UBE2G1: variants seen among roughly 807,000 people sequenced by gnomAD.
The protein encoded by UBE2G1 is ubiquitin-conjugating enzyme E2 G1.
In UBE2G1, 5 loss-of-function variants were observed where a neutral mutation model predicts 22.7. The observed-to-expected ratio is 0.22, with a 90% confidence interval of 0.12 to 0.46. UBE2G1 has a LOEUF of 0.46. Ranked by LOEUF, UBE2G1 falls within the 20% of genes least tolerant of loss-of-function variation. UBE2G1 has a pLI of 0.99. For synonymous variants in UBE2G1, 74 were observed against 67.5 expected, an observed-to-expected ratio of 1.10 and a Z score of -0.47; for missense variants, 88 against 203.9, an observed-to-expected ratio of 0.43 and a Z score of 3.46.
chr17:4,310,572 C>G (rs1969298384), intron 1 of UBE2G1, among the ~76,000 whole-genome samples: 1 of 152,122 alleles, frequency 6.6e-6, no homozygotes, highest in South Asian at 2.1e-4. Context: ...AACAGAATGT[C>G]AAAAGCTGGA....
intron 1 of UBE2G1, among the ~76,000 whole-genome samples, chr17:4,311,373 T>C (rs977929773): frequency 6.6e-6 from 1 of 152,254 alleles, no homozygotes; most frequent in Non-Finnish European, 1.5e-5. Flanking sequence ...ATGTCTGTAG[T>C]AGCATTTGCT....
intron 5 of UBE2G1, among the ~76,000 whole-genome samples, chr17:4,278,967 A>G (rs1968851943): frequency 6.6e-6 from 1 of 152,166 alleles, no homozygotes. Context: ...TAAACAAGCC[A>G]ACCATTGAAA....
intron 1 of UBE2G1, among the ~76,000 whole-genome samples, chr17:4,352,539 G>GACC (rs1969856511): frequency 2.0e-5 from 3 of 152,218 alleles, no homozygotes; most frequent in African/African-American, 4.8e-5. Flanking sequence ...TAGGGCAGAG[G>GACC]ACCAGACAGG....
chr17:4,360,379 C>CA (rs982322480), intron 1 of UBE2G1, among the ~76,000 whole-genome samples: 2 of 152,058 alleles, frequency 1.3e-5, no homozygotes, highest in African/African-American at 4.8e-5. Flanking sequence ...CTCCTGCCAA[C>CA]AAAAAAATTG....
chr17:4,337,708 A>G (rs1249040782), intron 1 of UBE2G1, among the ~76,000 whole-genome samples: 1 of 152,002 alleles, frequency 6.6e-6, no homozygotes, highest in African/African-American at 2.4e-5. Flanking sequence ...TCTTTGGTAC[A>G]CTAATAAAGC....
intron 1 of UBE2G1, among the ~76,000 whole-genome samples, chr17:4,319,223 A>C (rs774282793): frequency 2.0e-5 from 3 of 152,164 alleles, no homozygotes; most frequent in Non-Finnish European, 4.4e-5. Flanking sequence ...ACTCAGAAAA[A>C]ACTGGTACAG....
At chr17:4,361,528 A>G (rs1969966600) in intron 1 of UBE2G1, among the ~76,000 whole-genome samples, 1 of 152,098 alleles carries the variant, frequency 6.6e-6, no homozygotes, top group South Asian at 2.1e-4. Flanking sequence ...CTCCGTCTCA[A>G]AAAAATAAAA....
chr17:4,362,809 C>T (rs941241315), intron 1 of UBE2G1, among the ~76,000 whole-genome samples: 1 of 152,116 alleles, frequency 6.6e-6, no homozygotes, highest in African/African-American at 2.4e-5. Context: ...TTGCAGTGAA[C>T]TGAGATTATG....
chr17:4,306,702 A>G (rs1165773274), intron 2 of UBE2G1, among the ~76,000 whole-genome samples: 1 of 151,670 alleles, frequency 6.6e-6, no homozygotes, highest in African/African-American at 2.4e-5. Context: ...CCCAGGCTGG[A>G]GTGCAATGGC....
At chr17:4,350,666 C>T (rs1435560851) in intron 1 of UBE2G1, among the ~76,000 whole-genome samples, 2 of 152,106 alleles carry the variant, frequency 1.3e-5, no homozygotes, top group Non-Finnish European at 2.9e-5. Context: ...TTAGATGATG[C>T]AGCTATATCA....
chr17:4,285,571 T>C (rs74693699), intron 4 of UBE2G1, among the ~76,000 whole-genome samples: 6,960 of 152,148 alleles, frequency 0.046, 234 homozygotes, highest in Non-Finnish European at 0.073. Flanking sequence ...ATGGGATCCA[T>C]GAAACAAAAG....
intron 1 of UBE2G1, among the ~76,000 whole-genome samples, chr17:4,361,873 C>T (rs1436347797): frequency 2.8e-5 from 4 of 143,724 alleles, no homozygotes; most frequent in African/African-American, 1.0e-4. Context: ...ACCCGCGAGG[C>T]GGAGGTTGCA....
chr17:4,337,532 A>C (rs1337971646), intron 1 of UBE2G1, among the ~76,000 whole-genome samples: 3 of 151,786 alleles, frequency 2.0e-5, no homozygotes, highest in Admixed American at 6.6e-5. Flanking sequence ...GCATGCCTGT[A>C]ATCCCAGCTA....
chr17:4,294,146 T>G (rs1969076749), intron 3 of UBE2G1, among the ~76,000 whole-genome samples: 1 of 152,220 alleles, frequency 6.6e-6, no homozygotes, highest in Admixed American at 6.5e-5. Context: ...ACCAGGCGCG[T>G]GGCTCACGCC....
At chr17:4,302,369 G>C (rs566879603) in intron 2 of UBE2G1, 1 of 486,388 alleles carries the variant, frequency 2.1e-6, no homozygotes, top group East Asian at 5.5e-5. Flanking sequence ...GGAGCCCTTG[G>C]GTTGCTGTGT....
At chr17:4,279,673 G>A (rs1349065745) in intron 5 of UBE2G1, among the ~76,000 whole-genome samples, 2 of 151,826 alleles carry the variant, frequency 1.3e-5, no homozygotes, top group African/African-American at 2.4e-5. Context: ...ACTCTGGGAC[G>A]CTGAGGCACT....
chr17:4,333,433 T>TG (rs1023016631), intron 1 of UBE2G1, among the ~76,000 whole-genome samples: 1 of 152,108 alleles, frequency 6.6e-6, no homozygotes, highest in Non-Finnish European at 1.5e-5. Flanking sequence ...TCCCAGCACT[T>TG]GGGAGGTCGA....
intron 3 of UBE2G1, among the ~76,000 whole-genome samples, chr17:4,291,582 T>C (rs1202769675): frequency 1.3e-5 from 2 of 152,180 alleles, no homozygotes; most frequent in East Asian, 1.9e-4. Context: ...AATCAAGTTA[T>C]CACTAATCCA....
chr17:4,346,392 T>C (rs1382961915), intron 1 of UBE2G1, among the ~76,000 whole-genome samples: 1 of 151,922 alleles, frequency 6.6e-6, no homozygotes, highest in East Asian at 1.9e-4. Context: ...AGTAGATGAG[T>C]TACTGCAGTC....
Sources: gnomAD v4.1 joint callset for allele counts (sites outside exome capture counted in the v4.1 genomes callset) on GRCh38, gnomAD v4.1.1 for gene constraint, MANE v1.5 for transcripts, NCBI Gene and HGNC (gene_info 2026-07-23, HGNC 2026-07-21) for gene names.